The following MDFIC variants were observed in gnomAD, a reference collection of about 807,000 sequenced individuals.
MDFIC encodes myoD family inhibitor domain-containing protein.
A neutral mutation model predicts 23.2 loss-of-function variants in MDFIC; 17 were observed. That is an observed-to-expected ratio of 0.73 (90% CI 0.50 to 1.10). MDFIC has a LOEUF of 1.10. Ranked by LOEUF, MDFIC falls within the 50% of genes least tolerant of loss-of-function variation. MDFIC has a pLI of 0.00. For synonymous variants in MDFIC, 120 were observed against 115.2 expected (o/e 1.04, Z -0.27); for missense variants, 356 against 316.6 (o/e 1.12, Z -0.95).
chr7:114,992,818 G>A (rs1320354723), intron 4 of MDFIC, among the ~76,000 whole-genome samples: 2 of 152,016 alleles, frequency 1.3e-5, no homozygotes, highest in South Asian at 2.1e-4. Context: ...CTCTTTTTTC[G>A]TTGTATCTCT....
rs1173239579 is a variant in MDFIC, at chr7:115,002,862, T to G, written c.494-12826T>G. 3.9e-5 allele frequency among the ~76,000 whole-genome samples: 6 copies of G among 152,280 alleles called. 1 individual carries two copies. The East Asian group carries it at 1.2e-3, about 29-fold the overall frequency. On this transcript the variant is annotated intron_variant, in intron 4 of 4. Transcript: ENST00000393486. ...AGAACAGTGAACATATGTCAGTCTT[T>G]TCTGTCTAAAAATATATGTGTAGTG... is the stretch of plus-strand genomic sequence containing the variant.
chr7:115,002,533 G>A (rs1278702386), intron 4 of MDFIC, among the ~76,000 whole-genome samples: 2 of 152,196 alleles, frequency 1.3e-5, no homozygotes, highest in Admixed American at 6.5e-5. Flanking sequence ...ACAAAGACAA[G>A]CAGACCTGCC....
chr7:114,948,673 T>C (rs1392651950), intron 3 of MDFIC, among the ~76,000 whole-genome samples: 2 of 152,138 alleles, frequency 1.3e-5, no homozygotes, highest in Non-Finnish European at 2.9e-5. Context: ...TTCTAACAGA[T>C]GTGTGTAATC....
At chr7:114,947,087 G>A (rs1239338047) in intron 3 of MDFIC, among the ~76,000 whole-genome samples, 1 of 152,266 alleles carries the variant, frequency 6.6e-6, no homozygotes, top group South Asian at 2.1e-4. Flanking sequence ...ATTTCAGTAA[G>A]TGTTAATTTG....
intron 4 of MDFIC, among the ~76,000 whole-genome samples, chr7:114,983,729 G>A (rs1324442107): frequency 1.3e-5 from 2 of 151,714 alleles, no homozygotes; most frequent in Admixed American, 6.6e-5. Flanking sequence ...CACCACGCCT[G>A]GCTAATTTTT....
intron 2 of MDFIC, among the ~76,000 whole-genome samples, chr7:114,924,125 T>C (rs1301870479): frequency 6.6e-6 from 1 of 152,224 alleles, no homozygotes; most frequent in African/African-American, 2.4e-5. Flanking sequence ...TAAACTGAAT[T>C]ACATTTATCA....
chr7:114,981,932 G>A (rs1447467945), intron 4 of MDFIC, among the ~76,000 whole-genome samples: 3 of 152,154 alleles, frequency 2.0e-5, no homozygotes, highest in Admixed American at 6.5e-5. Context: ...CAAAAAATCC[G>A]TTGAACTGGT....
intron 2 of MDFIC, among the ~76,000 whole-genome samples, chr7:114,926,729 A>G (rs997549080): frequency 2.6e-5 from 4 of 152,220 alleles, no homozygotes; most frequent in Non-Finnish European, 5.9e-5. Context: ...TTGAAATTAC[A>G]TAAGAAGAGC....
intron 4 of MDFIC, among the ~76,000 whole-genome samples, chr7:114,998,776 T>C (rs1427549856): frequency 6.6e-6 from 1 of 152,188 alleles, no homozygotes; most frequent in Non-Finnish European, 1.5e-5. Flanking sequence ...CCTGGCTGAA[T>C]TGACACCAAA....
chr7:114,928,191 A>G (rs900122206), intron 2 of MDFIC, among the ~76,000 whole-genome samples: 9 of 152,220 alleles, frequency 5.9e-5, no homozygotes, highest in African/African-American at 2.2e-4. Flanking sequence ...GAACCAAATG[A>G]GTAAGAGAAG....
intron 4 of MDFIC, among the ~76,000 whole-genome samples, chr7:115,011,022 A>G (rs1791671421): frequency 1.3e-5 from 2 of 152,232 alleles, no homozygotes; most frequent in South Asian, 2.1e-4. Context: ...TGAACAAAAC[A>G]AATCAGCAGA....
intron 3 of MDFIC, 150 bp from the exon 4 acceptor site, chr7:114,979,356 T>G (rs1793374469): frequency 2.6e-6 from 2 of 755,686 alleles, no homozygotes; most frequent in Admixed American, 3.6e-5. Flanking sequence ...TATGTCTATG[T>G]TAGTATTTTT....
intron 3 of MDFIC, among the ~76,000 whole-genome samples, chr7:114,944,420 A>AT: frequency 6.6e-6 from 1 of 152,268 alleles, no homozygotes; most frequent in South Asian, 2.1e-4. Context: ...CATTTTTGTT[A>AT]TTTTCCCAGT....
chr7:114,997,187 T>C (rs1791350334), intron 4 of MDFIC, among the ~76,000 whole-genome samples: 1 of 152,200 alleles, frequency 6.6e-6, no homozygotes, highest in African/African-American at 2.4e-5. Flanking sequence ...AAATCTGGAT[T>C]ACTCTACCAA....
rs758605232 is a variant in MDFIC, at chr7:114,922,563, C to A, written c.-181C>A. Reference sequence around the variant, plus strand: ...GAAAATGCGGCCGCTGCCGGAGGCTCGCTAACTTTCCGGGGCGGAAGAGGA... The same window carrying A: ...GAAAATGCGGCCGCTGCCGGAGGCTAGCTAACTTTCCGGGGCGGAAGAGGA... On this transcript the variant is annotated 5_prime_UTR_variant, in exon 1 of 5. Transcript: ENST00000393486. The A allele has an allele frequency of 7.9e-7, 1 of 1,267,928 alleles. No individual in the cohort carries two copies. The highest frequency in any genetic ancestry group is 4.0e-5 in the Admixed American group (1 of 24,716). The allele number at this position is 1,267,928 out of a possible 1,614,324, so 78.5% of individuals were successfully genotyped here. A position where few individuals can be genotyped will look rare whatever the true frequency, so the allele number is the denominator to read the frequency against.
chr7:114,964,217 A>G (rs1296927641), intron 3 of MDFIC, among the ~76,000 whole-genome samples: 1 of 152,222 alleles, frequency 6.6e-6, no homozygotes, highest in East Asian at 1.9e-4. Flanking sequence ...TGAATTAGAA[A>G]TAATAATTGA....
intron 2 of MDFIC, among the ~76,000 whole-genome samples, chr7:114,941,563 C>T (rs1321402004): frequency 1.3e-5 from 2 of 152,126 alleles, no homozygotes; most frequent in Non-Finnish European, 2.9e-5. Context: ...ATCTCTGAAT[C>T]CTGATGAGTA....
intron 2 of MDFIC, among the ~76,000 whole-genome samples, chr7:114,933,152 G>C (rs1792355515): frequency 6.6e-6 from 1 of 151,996 alleles, no homozygotes. Flanking sequence ...GTAACAAAAA[G>C]GTTTTTAAAA....
At chr7:114,955,131 T>C (rs1264849500) in intron 3 of MDFIC, among the ~76,000 whole-genome samples, 1 of 152,246 alleles carries the variant, frequency 6.6e-6, no homozygotes, top group East Asian at 1.9e-4. Context: ...GTAATTTATT[T>C]GTGCAATTCA....
Sources: gnomAD v4.1 joint callset for allele counts (sites outside exome capture counted in the v4.1 genomes callset) on GRCh38, gnomAD v4.1.1 for gene constraint, MANE v1.5 for transcripts, NCBI Gene and HGNC (gene_info 2026-07-23, HGNC 2026-07-21) for gene names.